The following NPSR1 variants were observed in gnomAD, a reference collection of about 807,000 sequenced individuals.
NPSR1 encodes neuropeptide S receptor.
A neutral mutation model predicts 46.9 loss-of-function variants in NPSR1; 48 were observed. The ratio of observed to expected loss-of-function variants is 1.02; its 90% CI spans 0.81 to 1.30. The LOEUF (loss-of-function observed/expected upper bound fraction) is 1.30. Among genes scored for constraint, NPSR1 ranks in the 50% most tolerant of loss-of-function variants. The pLI is 0.00. For synonymous variants in NPSR1, 176 were observed against 168.1 expected, an observed-to-expected ratio of 1.05 and a Z score of -0.36; for missense variants, 450 against 449.5, an observed-to-expected ratio of 1.00 and a Z score of -0.01.
intron 1 of NPSR1, among the ~76,000 whole-genome samples, chr7:34,663,829 TCCAGC>T (rs1791598154): frequency 6.6e-6 from 1 of 152,182 alleles, no homozygotes; most frequent in African/African-American, 2.4e-5. Flanking sequence ...CCATTTCTCT[TCCAGC>T]TGTTTAAGAT....
At chr7:34,850,036 G>T, downstream of NPSR1, 1 of 972,618 alleles carries the variant, frequency 1.0e-6, no homozygotes, top group Middle Eastern at 5.2e-4. Flanking sequence ...CATTACAATA[G>T]AAGAAAATAA....
intron 3 of NPSR1, among the ~76,000 whole-genome samples, chr7:34,803,608 C>A (rs749512919): frequency 3.4e-4 from 52 of 151,852 alleles, no homozygotes; most frequent in African/African-American, 1.2e-3. Flanking sequence ...AGGAGATATA[C>A]CTAATGCTAA....
intron 3 of NPSR1, among the ~76,000 whole-genome samples, chr7:34,780,399 T>C (rs1787178142): frequency 6.6e-6 from 1 of 152,148 alleles, no homozygotes; most frequent in South Asian, 2.1e-4. Context: ...GTATCTACAA[T>C]AAATGTTAAG....
At chr7:34,790,810 T>TAG (rs1787738999) in intron 3 of NPSR1, among the ~76,000 whole-genome samples, 1 of 46,524 alleles carries the variant, frequency 2.1e-5, no homozygotes, top group Non-Finnish European at 5.1e-5. Context: ...GGTTATATGT[T>TAG]ATATATGTTA....
At chr7:34,717,441 T>C (rs559334635) in intron 2 of NPSR1, among the ~76,000 whole-genome samples, 27 of 152,272 alleles carry the variant, frequency 1.8e-4, no homozygotes, top group African/African-American at 6.0e-4. Context: ...ACATAACAAG[T>C]CTTATCAGTC....
intron 5 of NPSR1, among the ~76,000 whole-genome samples, chr7:34,832,004 G>A (rs1318052987): frequency 6.6e-6 from 1 of 152,194 alleles, no homozygotes; most frequent in African/African-American, 2.4e-5. Context: ...TGGCCATGGT[G>A]GGTAAAAGCG....
At chr7:34,846,302 G>T (rs1415879240) in intron 7 of NPSR1, among the ~76,000 whole-genome samples, 2 of 152,092 alleles carry the variant, frequency 1.3e-5, no homozygotes, top group Non-Finnish European at 2.9e-5. Flanking sequence ...CAGTCAGCAA[G>T]CAGGAACACC....
intron 3 of NPSR1, among the ~76,000 whole-genome samples, chr7:34,804,000 T>A (rs1364118703): frequency 1.3e-5 from 2 of 151,992 alleles, no homozygotes; most frequent in African/African-American, 2.4e-5. Flanking sequence ...ACTGAATTAA[T>A]AATTAATAAT....
At chr7:34,749,812 A>T (rs1464530619) in intron 2 of NPSR1, among the ~76,000 whole-genome samples, 1 of 152,148 alleles carries the variant, frequency 6.6e-6, no homozygotes, top group Non-Finnish European at 1.5e-5. Context: ...AAGAATGGGG[A>T]TCTGTTGAAT....
chr7:34,663,119 G>A (rs1207499437), intron 1 of NPSR1, among the ~76,000 whole-genome samples: 2 of 144,606 alleles, frequency 1.4e-5, no homozygotes, highest in Non-Finnish European at 3.0e-5. Flanking sequence ...GGTAGAGGAT[G>A]GATGGTGAAG....
intron 4 of NPSR1, among the ~76,000 whole-genome samples, chr7:34,824,204 C>T (rs1028166496): frequency 6.6e-5 from 10 of 151,980 alleles, no homozygotes; most frequent in African/African-American, 1.9e-4. Flanking sequence ...TTTTCCTTTT[C>T]GCTTATTTTT....
At chr7:34,838,378 G>A (rs980941506) in intron 6 of NPSR1, among the ~76,000 whole-genome samples, 3 of 152,020 alleles carry the variant, frequency 2.0e-5, no homozygotes, top group African/African-American at 7.2e-5. Context: ...CTATTTTTCA[G>A]TTACCATTAG....
chr7:34,737,040 C>T lies in NPSR1; in HGVS notation c.281-41422C>T, dbSNP rs1784711915. On this transcript the variant is annotated intron_variant, in intron 2 of 8. Coordinates refer to ENST00000360581, the MANE Select transcript of NPSR1 (RefSeq NM_207172.2). The stretch of plus-strand genomic sequence containing the variant: ...TTTAGCACCTCCTCTTTCATCCTCT[C>T]CTCAACCAGATGACTTTGTTTCTAC... 2.6e-5 allele frequency among the ~76,000 whole-genome samples: 4 copies of T among 151,858 alleles called. No homozygotes were observed. The South Asian group carries it at 8.4e-4, about 32-fold the overall frequency.
chr7:34,753,181 G>A (rs1225862800), intron 2 of NPSR1, among the ~76,000 whole-genome samples: 1 of 152,208 alleles, frequency 6.6e-6, no homozygotes, highest in East Asian at 1.9e-4. Context: ...AGTGGGTGGA[G>A]CTTGTATTGG....
chr7:34,815,395 A>C (rs1789194815), intron 4 of NPSR1, among the ~76,000 whole-genome samples: 1 of 152,192 alleles, frequency 6.6e-6, no homozygotes, highest in South Asian at 2.1e-4. Context: ...AGAAACAAAC[A>C]AAGCCTCCAA....
intron 3 of NPSR1, among the ~76,000 whole-genome samples, chr7:34,804,927 A>C (rs1286758884): frequency 6.6e-6 from 1 of 152,046 alleles, no homozygotes. Context: ...AATTAAAAAC[A>C]CAATACCATT....
chr7:34,854,335 A>C (rs1212910299), downstream of NPSR1, among the ~76,000 whole-genome samples: 1 of 152,208 alleles, frequency 6.6e-6, no homozygotes, highest in African/African-American at 2.4e-5. Context: ...ATAAGTGCAA[A>C]GAGATTAAAT....
chr7:34,847,620 C>T (rs538959028), intron 7 of NPSR1, among the ~76,000 whole-genome samples: 9 of 152,266 alleles, frequency 5.9e-5, no homozygotes, highest in Admixed American at 3.3e-4. Flanking sequence ...AACGTCCTAG[C>T]TCGAAGACAG....
At position 34,848,520 on chromosome 7, in the gene NPSR1, C is replaced by T. The variant is rs186466499; in HGVS notation, c.882C>T (p.Asp294=). The T allele has an allele frequency of 2.5e-5, 41 of 1,614,052 alleles. No individual in the cohort carries two copies. In the South Asian group the frequency reaches 4.5e-4, roughly 18 times the overall value. ...ICCWSPYFLF[D]ILDNFNLLPD... is the part of the protein sequence containing the mutation. ...GTTGGAGTCCATACTTCCTGTTTGA[C>T]ATTTTGGACAATTTCAACCTCCTTC... The change falls in exon 8 of 9, where the codon GAC becomes GAT. Residue 294 remains aspartate, a synonymous_variant. Transcript: ENST00000360581.
Sources: allele counts gnomAD v4.1 joint callset (sites outside exome capture counted in the v4.1 genomes callset), GRCh38; gene constraint gnomAD v4.1.1; transcripts MANE v1.5; gene names NCBI Gene and HGNC (gene_info 2026-07-23, HGNC 2026-07-21).